ANKIB1: variants seen among roughly 807,000 people sequenced by gnomAD.
The protein encoded by ANKIB1 is ankyrin repeat and IBR domain containing 1, also known as ankyrin repeat and IBR domain-containing protein 1.
ANKIB1 carries 43 observed loss-of-function variants against 122.1 expected under a neutral mutation model. That is an observed-to-expected ratio of 0.35 (90% CI 0.28 to 0.45). The LOEUF is 0.45. Among genes scored for constraint, ANKIB1 ranks in the 20% least tolerant of loss-of-function variants. The pLI, the probability that ANKIB1 is intolerant of heterozygous loss-of-function variation, is 1.00. For missense variants in ANKIB1, 992 were observed against 1,329.5 expected (o/e 0.75, Z 3.95); for synonymous variants, 390 against 442.0 (o/e 0.88, Z 1.48).
intron 9 of ANKIB1, among the ~76,000 whole-genome samples, chr7:92,353,322 A>C (rs1803705190): frequency 6.6e-6 from 1 of 152,238 alleles, no homozygotes; most frequent in Non-Finnish European, 1.5e-5. Context: ...CAATAAGTAC[A>C]AACTGATGAT....
intron 1 of ANKIB1, among the ~76,000 whole-genome samples, chr7:92,279,529 C>T (rs1257275276): frequency 6.6e-6 from 1 of 152,108 alleles, no homozygotes; most frequent in Non-Finnish European, 1.5e-5. Context: ...TGATGTTTTT[C>T]ATAGTTTAGG....
intron 1 of ANKIB1, among the ~76,000 whole-genome samples, chr7:92,269,138 A>T (rs1471166493): frequency 1.3e-5 from 2 of 152,306 alleles, no homozygotes; most frequent in African/African-American, 4.8e-5. Flanking sequence ...GCATAGGTTC[A>T]CTTTCTCCTG....
chr7:92,275,597 G>C (rs759970761), intron 1 of ANKIB1, among the ~76,000 whole-genome samples: 3 of 152,176 alleles, frequency 2.0e-5, no homozygotes, highest in Non-Finnish European at 4.4e-5. Flanking sequence ...GAAGAAGACA[G>C]GAGGTGTATT....
chr7:92,364,924 G>A (rs1804039097), intron 10 of ANKIB1, among the ~76,000 whole-genome samples: 1 of 152,170 alleles, frequency 6.6e-6, no homozygotes, highest in Non-Finnish European at 1.5e-5. Context: ...TGACTTTCCG[G>A]GGAAAATAAT....
At chr7:92,250,388 C>T (rs532026526) in intron 1 of ANKIB1, among the ~76,000 whole-genome samples, 82 of 152,192 alleles carry the variant, frequency 5.4e-4, no homozygotes, top group African/African-American at 8.7e-4. Flanking sequence ...AGCAAAACTC[C>T]GCCTAAAAAT....
At chr7:92,269,310 G>C (rs1801736213) in intron 1 of ANKIB1, among the ~76,000 whole-genome samples, 1 of 152,160 alleles carries the variant, frequency 6.6e-6, no homozygotes, top group Non-Finnish European at 1.5e-5. Context: ...CTATTATCAG[G>C]TAAGCCTACG....
chr7:92,400,405 T>G lies in ANKIB1; in HGVS notation c.*1456T>G, dbSNP rs1313451189. On this transcript the variant is annotated 3_prime_UTR_variant, in exon 20 of 20. Transcript: ENST00000265742. ...TGTTTTACTTAAATATTATCAAAAC[T>G]AGCATAACATAAGCAAAATAGATAA... 1 of 152,156 alleles carries G rather than the reference T, an allele frequency of 6.6e-6. No homozygotes were observed. The highest frequency in any genetic ancestry group is 2.4e-5 in the African/African-American group (1 of 41,432). The allele number at this position is 152,156 out of a possible 1,614,324, so 9.4% of individuals were successfully genotyped here.
At chr7:92,359,586 C>T (rs1286954014) in intron 9 of ANKIB1, among the ~76,000 whole-genome samples, 3 of 152,228 alleles carry the variant, frequency 2.0e-5, no homozygotes, top group South Asian at 2.1e-4. Context: ...GGTATATACC[C>T]AGTAATGGGA....
chr7:92,284,012 G>C lies in ANKIB1; in HGVS notation c.-90-10877G>C, dbSNP rs188707333. ...TCTCCATCTCCTGACCTCGTGATCT[G>C]CCTGCCTCGGCCTCCCAAAGTGCTG... On this transcript the variant is annotated intron_variant, in intron 1 of 19. Transcript: ENST00000265742. Among the ~76,000 whole-genome samples, 441 of 152,154 alleles carry C rather than the reference G, an allele frequency of 2.9e-3. 4 individuals are homozygous for C. Among genetic ancestry groups the C allele is most frequent in the African/African-American group, 0.01 (419 of 41,520 alleles).
chr7:92,252,862 A>C (rs1004765448), intron 1 of ANKIB1, among the ~76,000 whole-genome samples: 4 of 151,316 alleles, frequency 2.6e-5, no homozygotes, highest in African/African-American at 4.9e-5. Flanking sequence ...TTCCAGGGCT[A>C]GAGCCCTGGA....
intron 1 of ANKIB1, among the ~76,000 whole-genome samples, chr7:92,291,236 G>A (rs1802238812): frequency 6.6e-6 from 1 of 151,768 alleles, no homozygotes; most frequent in East Asian, 1.9e-4. Flanking sequence ...GGAGGTTGCA[G>A]TGAGCTGAGA....
chr7:92,288,889 A>G lies in ANKIB1; in HGVS notation c.-90-6000A>G, dbSNP rs147434636. On this transcript the variant is annotated intron_variant, in intron 1 of 19. Coordinates refer to ENST00000265742, the MANE Select transcript of ANKIB1 (RefSeq NM_019004.2). ...TACTAACTAGAAACTGACAATTCCA[A>G]TTGCTGACCATGGTAACTCTGAATG... Among the ~76,000 whole-genome samples, 35 of 152,326 alleles carry G rather than the reference A, an allele frequency of 2.3e-4. No individual in the cohort carries two copies. In the East Asian group the frequency reaches 2.3e-3, roughly 10 times the overall value.
At chr7:92,379,877 A>G (rs1447246891) in intron 11 of ANKIB1, among the ~76,000 whole-genome samples, 3 of 152,190 alleles carry the variant, frequency 2.0e-5, no homozygotes. Context: ...TACCTGGTTC[A>G]TCTCATTGGG....
At chr7:92,394,574 C>T (rs1216375674) in intron 17 of ANKIB1, among the ~76,000 whole-genome samples, 1 of 152,096 alleles carries the variant, frequency 6.6e-6, no homozygotes. Context: ...TAACTTTGTA[C>T]CATTATCAAG....
chr7:92,373,097 A>G (rs1402108217), intron 11 of ANKIB1, among the ~76,000 whole-genome samples: 3 of 152,198 alleles, frequency 2.0e-5, no homozygotes, highest in African/African-American at 7.2e-5. Context: ...GTGAGGCAGT[A>G]ATAATGATTC....
Position 92,274,624 on chromosome 7 carries a change from A to G in ANKIB1, c.-90-20265A>G, listed in dbSNP as rs1300412718. Among the ~76,000 whole-genome samples, 5 of 151,662 alleles carry G rather than the reference A, an allele frequency of 3.3e-5. No homozygotes were observed. The South Asian group carries it at 8.3e-4, about 25-fold the overall frequency. On this transcript the variant is annotated intron_variant, in intron 1 of 19. Coordinates refer to ENST00000265742, the MANE Select transcript of ANKIB1 (RefSeq NM_019004.2). Reference sequence around the variant, plus strand: ...CACTAGCTCAGCTGCATTAGCTGGGAGAGAGAATCTGGTCATTCTTAACTC... The same window carrying G: ...CACTAGCTCAGCTGCATTAGCTGGGGGAGAGAATCTGGTCATTCTTAACTC...
At chr7:92,360,045 G>A (rs1803908424) in intron 9 of ANKIB1, among the ~76,000 whole-genome samples, 1 of 152,088 alleles carries the variant, frequency 6.6e-6, no homozygotes, top group Admixed American at 6.6e-5. Flanking sequence ...TGTAAGGAAA[G>A]TAAATTACCC....
intron 17 of ANKIB1, among the ~76,000 whole-genome samples, chr7:92,392,577 A>T (rs546579340): frequency 6.6e-6 from 1 of 152,252 alleles, no homozygotes; most frequent in Non-Finnish European, 1.5e-5. Flanking sequence ...TAATTTGTTA[A>T]TAGAGAGAAT....
intron 9 of ANKIB1, among the ~76,000 whole-genome samples, chr7:92,358,196 C>T (rs183002711): frequency 1.1e-4 from 16 of 152,238 alleles, no homozygotes; most frequent in East Asian, 5.8e-4. Context: ...GAGCAGAGAT[C>T]GTGCCATTGC....
Sources: allele counts gnomAD v4.1 joint callset (sites outside exome capture counted in the v4.1 genomes callset), GRCh38; gene constraint gnomAD v4.1.1; transcripts MANE v1.5; gene names NCBI Gene and HGNC (gene_info 2026-07-23, HGNC 2026-07-21).